PREX1: variants seen among roughly 807,000 people sequenced by gnomAD.
PREX1 encodes the protein phosphatidylinositol-3,4,5-trisphosphate dependent Rac exchange factor 1, also known as phosphatidylinositol 3,4,5-trisphosphate-dependent Rac exchanger 1 protein.
PREX1 carries 41 observed loss-of-function variants against 198.3 expected under a neutral mutation model. That is an observed-to-expected ratio of 0.21 (90% CI 0.16 to 0.27). The LOEUF is 0.27. Ranked by LOEUF, PREX1 falls within the 10% of genes least tolerant of loss-of-function variation. The pLI is 1.00. For synonymous variants in PREX1, 843 were observed against 887.2 expected (o/e 0.95, Z 0.89); for missense variants, 1,620 against 2,200.7 (o/e 0.74, Z 5.28).
intron 1 of PREX1, among the ~76,000 whole-genome samples, chr20:48,780,277 C>A (rs6019417): frequency 0.61 from 92,478 of 151,954 alleles, 28,654 homozygotes; most frequent in African/African-American, 0.72. Flanking sequence ...AGGGAAAATA[C>A]AAGATGAGCC....
chr20:48,751,439 G>A lies in PREX1; in HGVS notation c.220-3559C>T, dbSNP rs142783073. Among the ~76,000 whole-genome samples the A allele has an allele frequency of 5.3e-4, 81 of 152,262 alleles. 2 individuals are homozygous for A. Among genetic ancestry groups the A allele is most frequent in the African/African-American group, 1.9e-3 (81 of 41,542 alleles). ...CGCTATTGTGCTGCAACAATGGGAG[G>A]CTCGGGCCACCCACTGAGGAACTGC... On this transcript the variant is annotated intron_variant, in intron 1 of 39. Coordinates refer to ENST00000371941, the MANE Select transcript of PREX1 (RefSeq NM_020820.4).
chr20:48,834,018 T>C, the PREX1 span, among the ~76,000 whole-genome samples: 1 of 151,850 alleles, frequency 6.6e-6, no homozygotes, highest in Non-Finnish European at 1.5e-5. Flanking sequence ...GAGGCGGAGA[T>C]TGCAGTGAGC....
chr20:48,668,231 T>C (rs1337222596), intron 14 of PREX1, among the ~76,000 whole-genome samples: 3 of 151,992 alleles, frequency 2.0e-5, no homozygotes, highest in African/African-American at 7.3e-5. Flanking sequence ...GGTCTGGAGA[T>C]GGGCAGAAGC....
At chr20:48,886,357 A>C in the PREX1 span, among the ~76,000 whole-genome samples, 6 of 152,176 alleles carry the variant, frequency 3.9e-5, no homozygotes, top group African/African-American at 1.4e-4. Context: ...TGGGCTTCTC[A>C]CTTCCTTCTC....
rs2090338503 is a variant in PREX1 at position 48,791,441 on chromosome 20, A to AG, written c.219+36200_219+36201insC. Among the ~76,000 whole-genome samples, 5 of 152,226 alleles carry AG rather than the reference A, an allele frequency of 3.3e-5. No individual in the cohort carries two copies. The South Asian group carries it at 8.3e-4, about 25-fold the overall frequency. On this transcript the variant is annotated intron_variant, in intron 1 of 39. Transcript: ENST00000371941. ...GCACAGAGGTCAAGTCATTTGCCCC[A>AG]AGGTCACCCTGCTGGTGAGGGGTAA...
At chr20:48,652,251 AG>A (rs1339347181) in intron 21 of PREX1, among the ~76,000 whole-genome samples, 1 of 151,108 alleles carries the variant, frequency 6.6e-6, no homozygotes, top group Non-Finnish European at 1.5e-5. Context: ...TGGGCAACAT[AG>A]GGAGACCTCA....
Position 48,657,072 on chromosome 20 carries a change from A to T in PREX1, c.2091T>A (p.Pro697=). 6.2e-7 allele frequency: 1 copy of T among 1,604,428 alleles called. No individual in the cohort carries two copies. The highest frequency in any genetic ancestry group is 8.5e-7 in the Non-Finnish European group (1 of 1,174,894). Residue 697 remains proline, a synonymous_variant, in exon 18 of 40, where the codon CCT becomes CCA. Transcript: ENST00000371941. ...CCTTCGTGGCCACCAGGAGGCGCAG[A>T]GGGCGGCGGGAGCAGAAGGACTGGT... is the stretch of plus-strand genomic sequence containing the variant. ...ILNQSFCSRR[P]LRLLVATKAK... is the part of the protein sequence containing the mutation.
rs1183001582 is a variant in PREX1, at chr20:48,650,032, G to A, written c.2992C>T (p.Arg998Cys). Reference protein sequence around the residue: ...VGRSFSIRFGRKPSLIGLDPE... With the variant: ...VGRSFSIRFGCKPSLIGLDPE... Reference sequence around the variant, plus strand: ...TCAAGGCCGATGAGGGAGGGTTTGCGTCCAAAGCGGATGCTGAAGGACCTG... The same window carrying A: ...TCAAGGCCGATGAGGGAGGGTTTGCATCCAAAGCGGATGCTGAAGGACCTG... Residue 998 changes from arginine (R) to cysteine (C), a missense_variant, in exon 24 of 40, where the codon CGC (arginine) becomes TGC (cysteine). Arg to Cys is a radical substitution (Grantham distance 180). Coordinates refer to ENST00000371941, the MANE Select transcript of PREX1 (RefSeq NM_020820.4). 5 of 1,614,100 alleles carry A rather than the reference G, an allele frequency of 3.1e-6. No individual in the cohort carries two copies. Among genetic ancestry groups the A allele is most frequent in the Non-Finnish European group, 3.4e-6 (4 of 1,180,050 alleles).
intron 1 of PREX1, among the ~76,000 whole-genome samples, chr20:48,762,351 A>C (rs1274215979): frequency 6.6e-6 from 1 of 152,118 alleles, no homozygotes; most frequent in East Asian, 1.9e-4. Context: ...TTCAGTGGAT[A>C]GTTCTTTGCT....
upstream of PREX1, among the ~76,000 whole-genome samples, chr20:48,831,851 T>G (rs2090537694): frequency 6.6e-6 from 1 of 152,164 alleles, no homozygotes; most frequent in African/African-American, 2.4e-5. Context: ...GCGGGATCAG[T>G]GGGGACTCCC....
intron 13 of PREX1, among the ~76,000 whole-genome samples, chr20:48,678,781 G>A (rs183662076): frequency 6.4e-4 from 97 of 152,326 alleles, no homozygotes; most frequent in African/African-American, 2.2e-3. Context: ...CCAGCCATGT[G>A]GGACTGTGAA....
chr20:48,640,185 G>A (rs1023286541), intron 29 of PREX1, among the ~76,000 whole-genome samples: 1 of 152,128 alleles, frequency 6.6e-6, no homozygotes, highest in African/African-American at 2.4e-5. Context: ...AATCAATCAC[G>A]GCTTTCCTTT....
At chr20:48,770,338 C>T (rs1471273504) in intron 1 of PREX1, among the ~76,000 whole-genome samples, 2 of 152,116 alleles carry the variant, frequency 1.3e-5, no homozygotes, top group Admixed American at 1.3e-4. Context: ...GGTACACGAA[C>T]CCGAGAATGG....
intron 33 of PREX1, among the ~76,000 whole-genome samples, chr20:48,633,522 T>A (rs1225231917): frequency 6.6e-6 from 1 of 152,220 alleles, no homozygotes; most frequent in African/African-American, 2.4e-5. Context: ...TGGTTCCTAA[T>A]TAAACCCACA....
intron 35 of PREX1, among the ~76,000 whole-genome samples, 192 bp downstream of exon 35, chr20:48,632,085 A>C (rs1353742785): frequency 6.6e-6 from 1 of 152,210 alleles, no homozygotes; most frequent in Non-Finnish European, 1.5e-5. Context: ...CCTCCTCTGT[A>C]AAGTGGGATC....
At chr20:48,713,190 G>A (rs971432578) in intron 5 of PREX1, among the ~76,000 whole-genome samples, 1 of 151,572 alleles carries the variant, frequency 6.6e-6, no homozygotes, top group Non-Finnish European at 1.5e-5. Flanking sequence ...GGTGGCTCAC[G>A]CCTGTGATCC....
At chr20:48,786,249 A>C (rs2090311753) in intron 1 of PREX1, among the ~76,000 whole-genome samples, 1 of 152,144 alleles carries the variant, frequency 6.6e-6, no homozygotes, top group Non-Finnish European at 1.5e-5. Flanking sequence ...CTTGGAGGAC[A>C]AATAAGCAAC....
rs552004043 is a variant in PREX1, at chr20:48,827,251, G to A, written c.219+391C>T. On this transcript the variant is annotated intron_variant, in intron 1 of 39. Transcript: ENST00000371941. This position sits in a 1 kb window ranked among gnomAD's most constrained non-coding sequence, Gnocchi z 4.1. ...CTACGGTATGTCCTAGATGAGTGGT[G>A]CACCGGGCGCGTAGTTATTCCTGGG... Among the ~76,000 whole-genome samples, 24 of 152,364 alleles carry A rather than the reference G, an allele frequency of 1.6e-4. No homozygotes were observed. Among genetic ancestry groups the A allele is most frequent in the African/African-American group, 5.8e-4 (24 of 41,590 alleles).
At chr20:48,728,841 C>CA (rs1215266070) in intron 4 of PREX1, among the ~76,000 whole-genome samples, 42 of 151,824 alleles carry the variant, frequency 2.8e-4, no homozygotes, top group Admixed American at 1.8e-3. Flanking sequence ...AAAACAAAAA[C>CA]AAAAAAAACA....
Sources: allele counts gnomAD v4.1 joint callset (sites outside exome capture counted in the v4.1 genomes callset), GRCh38; gene constraint gnomAD v4.1.1; non-coding constraint Gnocchi (gnomAD v3.1); transcripts MANE v1.5; gene names NCBI Gene and HGNC (gene_info 2026-07-23, HGNC 2026-07-21).